TRIM55: variants seen among roughly 807,000 people sequenced by gnomAD.
TRIM55 encodes the protein tripartite motif-containing protein 55.
Under a neutral mutation model 60.9 loss-of-function variants are expected in TRIM55, and 50 were observed. That is an observed-to-expected ratio of 0.82 (90% CI 0.65 to 1.04). TRIM55 has a LOEUF of 1.04. Among genes scored for constraint, TRIM55 ranks in the 50% least tolerant of loss-of-function variants. The pLI, the probability that TRIM55 is intolerant of heterozygous loss-of-function variation, is 0.00. For synonymous variants in TRIM55, 237 were observed against 238.1 expected (o/e 1.00, Z 0.04); for missense variants, 681 against 666.9 (o/e 1.02, Z -0.23).
At chr8:66,123,822 C>A (rs964143853), upstream of TRIM55, among the ~76,000 whole-genome samples, 5 of 152,208 alleles carry the variant, frequency 3.3e-5, no homozygotes, top group Admixed American at 6.5e-5. Flanking sequence ...TGCGCCACTG[C>A]ACTCCAGTTT....
intron 2 of TRIM55, among the ~76,000 whole-genome samples, chr8:66,132,427 C>T (rs1809215335): frequency 6.6e-6 from 1 of 152,162 alleles, no homozygotes; most frequent in Non-Finnish European, 1.5e-5. Flanking sequence ...GCACTCCAGC[C>T]TGGGCGACAA....
rs1447267010 is a variant in TRIM55, at chr8:66,128,306, C to T, written c.171C>T (p.Ala57=). The part of the protein sequence containing the change: ...CRKCASDIFQ[A]SNPYLPTRGG... Reference sequence around the variant, plus strand: ...TTTTTCTTACTTGGCAAGAACAGGCCTCTAACCCGTATTTGCCCACAAGAG... The same window carrying T: ...TTTTTCTTACTTGGCAAGAACAGGCTTCTAACCCGTATTTGCCCACAAGAG... Residue 57 remains alanine (A), a splice_region_variant and synonymous_variant, in exon 2 of 10, where the codon GCC becomes GCT. Coordinates refer to ENST00000315962, the MANE Select transcript of TRIM55 (RefSeq NM_184085.2). 10 of 1,600,968 alleles carry T rather than the reference C, an allele frequency of 6.2e-6. No individual in the cohort carries two copies. The highest frequency in any genetic ancestry group is 4.0e-5 in the African/African-American group (3 of 74,238).
In TRIM55 at chr8:66,149,878, G is replaced by T. The variant is rs1436048395; in HGVS notation, c.837G>T (p.Gln279His). 1 of 1,610,804 alleles carries T rather than the reference G, an allele frequency of 6.2e-7. No individual in the cohort carries two copies. The highest frequency in any genetic ancestry group is 1.7e-5 in the Admixed American group (1 of 59,996). The change falls in exon 5 of 10, where the codon CAG (glutamine) becomes CAT (histidine). Residue 279 changes from glutamine to histidine, a missense_variant and splice_region_variant. Coordinates refer to ENST00000315962, the MANE Select transcript of TRIM55 (RefSeq NM_184085.2). ...MDEPEMAVFL[Q>H]NAKTLLKKIS... ...AGCCAGAAATGGCAGTGTTTCTGCA[G>T]GTAAGTCTCTTTTTGGCACCAAAGT...
chr8:66,168,887 A>G (rs1015003180), intron 9 of TRIM55, among the ~76,000 whole-genome samples: 1 of 152,250 alleles, frequency 6.6e-6, no homozygotes, highest in South Asian at 2.1e-4. Context: ...ACATGAGGCC[A>G]TCATTATCCA....
chr8:66,173,778 CAT>C (rs1198603839), intron 9 of TRIM55, among the ~76,000 whole-genome samples: 1 of 152,118 alleles, frequency 6.6e-6, no homozygotes. Context: ...TTGCTTATGA[CAT>C]AGATTAATCA....
intron 9 of TRIM55, among the ~76,000 whole-genome samples, chr8:66,166,537 C>T (rs1265153424): frequency 2.0e-5 from 3 of 152,350 alleles, no homozygotes; most frequent in African/African-American, 7.2e-5. Context: ...AGTTAGTCCA[C>T]CAAGGTGTTA....
At chr8:66,169,572 A>G (rs1586262331) in intron 9 of TRIM55, among the ~76,000 whole-genome samples, 1 of 152,242 alleles carries the variant, frequency 6.6e-6, no homozygotes, top group East Asian at 1.9e-4. Flanking sequence ...CGAGAAGGTA[A>G]CATGAATGAA....
Position 66,149,708 on chromosome 8 carries a change from G to A in TRIM55, c.667G>A (p.Glu223Lys), listed in dbSNP as rs777178338. The A allele has an allele frequency of 1.2e-6, 2 of 1,614,178 alleles. No homozygotes were observed. The highest frequency in any genetic ancestry group is 3.3e-5 in the Admixed American group (2 of 60,030). Residue 223 changes from glutamate to lysine, a missense_variant, in exon 5 of 10, where the codon GAG (glutamate) becomes AAG (lysine). Physicochemically the swap from Glu to Lys is moderately conservative, Grantham distance 56. Coordinates refer to ENST00000315962, the MANE Select transcript of TRIM55 (RefSeq NM_184085.2). The stretch of plus-strand genomic sequence containing the variant: ...GTTTGATTACCTGTATGGCATTTTG[G>A]AGGAGAGGAAGAATGAAATGACCCA... ...EKFDYLYGIL[E>K]ERKNEMTQVI...
chr8:66,171,180 A>G (rs911194103), intron 9 of TRIM55, among the ~76,000 whole-genome samples: 1 of 152,076 alleles, frequency 6.6e-6, no homozygotes, highest in Non-Finnish European at 1.5e-5. Flanking sequence ...ATTATTTCAC[A>G]CCCAGGTAGT....
At chr8:66,171,187 T>TAGTA (rs1811607569) in intron 9 of TRIM55, among the ~76,000 whole-genome samples, 1 of 152,182 alleles carries the variant, frequency 6.6e-6, no homozygotes, top group African/African-American at 2.4e-5. Context: ...CACACCCAGG[T>TAGTA]AGTAAGCCTA....
intron 9 of TRIM55, among the ~76,000 whole-genome samples, chr8:66,165,358 C>T (rs1811271502): frequency 6.6e-6 from 1 of 151,922 alleles, no homozygotes; most frequent in Admixed American, 6.6e-5. Flanking sequence ...GTGAGAGATG[C>T]AGGAGGCTAG....
rs1048922256 is a variant in TRIM55, at chr8:66,152,247, A to G, written c.986-130A>G. The G allele has an allele frequency of 7.8e-6, 10 of 1,277,226 alleles. No homozygotes were observed. In the African/African-American group the frequency reaches 1.5e-4, roughly 19 times the overall value. 79.1% of individuals were successfully genotyped at this position (1,277,226 alleles called of 1,614,324 possible). ...AGCCCTGGCACGGCACACTTGGACC[A>G]TTGTCAAGTGTCTGTCAGAGAAAAA... On this transcript the variant is annotated intron_variant, in intron 7 of 9. Coordinates refer to ENST00000315962, the MANE Select transcript of TRIM55 (RefSeq NM_184085.2).
At chr8:66,113,359 T>A in the TRIM55 span, 1 of 376,276 alleles carries the variant, frequency 2.7e-6, no homozygotes, top group Non-Finnish European at 5.3e-6. Context: ...CCGACACACG[T>A]ACACGTCCCT....
chr8:66,127,400 C>T lies in TRIM55; in HGVS notation c.132C>T (p.His44=), dbSNP rs1338154002. ...TKPVVILPCQ[H]NLCRKCASDI... ...CTGTGGTGATTCTCCCTTGTCAGCA[C>T]AACCTGTGTAGGAAATGTGCCAGTG... Residue 44 remains histidine, a synonymous_variant, in exon 1 of 10, where the codon CAC becomes CAT. Transcript: ENST00000315962. 6.2e-7 allele frequency: 1 copy of T among 1,613,856 alleles called. No individual in the cohort carries two copies. Among genetic ancestry groups the T allele is most frequent in the East Asian group, 2.2e-5 (1 of 44,872 alleles).
At chr8:66,145,584 A>G (rs1810054853) in intron 4 of TRIM55, among the ~76,000 whole-genome samples, 1 of 152,234 alleles carries the variant, frequency 6.6e-6, no homozygotes, top group Non-Finnish European at 1.5e-5. Context: ...TGAAAGAACT[A>G]GGAATATAAT....
intron 9 of TRIM55, chr8:66,155,520 G>A (rs921497849): frequency 7.7e-6 from 6 of 783,640 alleles, no homozygotes; most frequent in South Asian, 6.8e-5. Context: ...CCCATGAAGA[G>A]CACGTAGTAG....
At position 66,162,487 on chromosome 8, in the gene TRIM55, T is replaced by C. The variant is rs183527687; in HGVS notation, c.1524+8153T>C. Among the ~76,000 whole-genome samples the C allele has an allele frequency of 5.5e-4, 83 of 151,998 alleles. No individual in the cohort carries two copies. The East Asian group carries it at 0.01, about 19-fold the overall frequency. On this transcript the variant is annotated intron_variant, in intron 9 of 9. Coordinates refer to ENST00000315962, the MANE Select transcript of TRIM55 (RefSeq NM_184085.2). The stretch of plus-strand genomic sequence containing the variant: ...ATATTGGTCTGTAGTTTTTTTTTTT[T>C]GTAATGTCCTCCCCTGGTTTTGGTA...
intron 9 of TRIM55, among the ~76,000 whole-genome samples, chr8:66,169,982 C>T (rs1811533094): frequency 6.6e-6 from 1 of 151,898 alleles, no homozygotes; most frequent in African/African-American, 2.4e-5. Context: ...TCTATAGTGT[C>T]TGTTAAGAGC....
intron 4 of TRIM55, among the ~76,000 whole-genome samples, chr8:66,148,108 GCT>G (rs1393731361): frequency 6.6e-6 from 1 of 152,130 alleles, no homozygotes; most frequent in Non-Finnish European, 1.5e-5. Context: ...CTCACAACCT[GCT>G]CTCAGCTATA....
Sources: allele counts gnomAD v4.1 joint callset (sites outside exome capture counted in the v4.1 genomes callset), GRCh38; gene constraint gnomAD v4.1.1; transcripts MANE v1.5; gene names NCBI Gene and HGNC (gene_info 2026-07-23, HGNC 2026-07-21).